VAMP3: variants seen among roughly 807,000 people sequenced by gnomAD.
VAMP3 encodes vesicle-associated membrane protein 3.
VAMP3 carries 11 observed loss-of-function variants against 18.1 expected under a neutral mutation model. That is an observed-to-expected ratio of 0.61 (90% CI 0.38 to 1.00). The LOEUF (loss-of-function observed/expected upper bound fraction) is 1.00, where lower values mean the gene tolerates loss of function less well. VAMP3 is among the 50% of genes least tolerant of loss of function. VAMP3 has a pLI of 0.01. For missense variants in VAMP3, 122 were observed against 127.3 expected (o/e 0.96, Z 0.20); for synonymous variants, 49 against 43.1 (o/e 1.14, Z -0.53).
In VAMP3 at chr1:7,771,400, G is replaced by A; in HGVS notation, c.2+15G>A. 6.3e-7 allele frequency: 1 copy of A among 1,575,244 alleles called. No individual in the cohort carries two copies. Among genetic ancestry groups the A allele is most frequent in the Non-Finnish European group, 8.6e-7 (1 of 1,165,920 alleles). On this transcript the variant is annotated intron_variant, in intron 1 of 4. Coordinates refer to ENST00000054666, the MANE Select transcript of VAMP3 (RefSeq NM_004781.4). ...GCTGCCAAAATGTGAGTGACGCTAC[G>A]CGACGCGGGCGGCTTCGGGCCCCGC...
chr1:7,778,978 G>A (rs572928391), intron 4 of VAMP3, among the ~76,000 whole-genome samples: 8 of 152,230 alleles, frequency 5.3e-5, no homozygotes, highest in African/African-American at 1.4e-4. Context: ...GGCAGATCAC[G>A]AGGTCAGGAG....
intron 3 of VAMP3, among the ~76,000 whole-genome samples, chr1:7,777,534 G>A (rs2097054881): frequency 6.6e-6 from 1 of 152,172 alleles, no homozygotes; most frequent in Non-Finnish European, 1.5e-5. Context: ...ATCTTCAGAA[G>A]ATGCAGGTAG....
At chr1:7,778,037 A>T in intron 3 of VAMP3, 81 bp from the exon 4 acceptor site, 1 of 1,441,270 alleles carries the variant, frequency 6.9e-7, no homozygotes. Flanking sequence ...TTCAGTGACT[A>T]GATGAATATT....
At position 7,773,518 on chromosome 1, in the gene VAMP3, C is replaced by G. The variant is rs919920527; in HGVS notation, c.72+7C>G. On this transcript the variant is annotated splice_region_variant and intron_variant, in intron 2 of 4. Coordinates refer to ENST00000054666, the MANE Select transcript of VAMP3 (RefSeq NM_004781.4). ...ACAAAATCAAGTAGATGAGGTATTG[C>G]TCTGAAATGTTGGAAATATGAATTT... is the stretch of plus-strand genomic sequence containing the variant. 9 of 1,611,110 alleles carry G rather than the reference C, an allele frequency of 5.6e-6. No homozygotes were observed. The African/African-American group carries it at 9.4e-5, about 17-fold the overall frequency.
rs1180648126 is a variant in VAMP3, at chr1:7,779,687, C to G, written c.*42C>G. Reference sequence around the variant, plus strand: ...AAAACTGCTGTTCAAGAAACCTCTTCAAGACTTTTGACTTAGAACCTGCTA... The same window carrying G: ...AAAACTGCTGTTCAAGAAACCTCTTGAAGACTTTTGACTTAGAACCTGCTA... On this transcript the variant is annotated 3_prime_UTR_variant, in exon 5 of 5. Coordinates refer to ENST00000054666, the MANE Select transcript of VAMP3 (RefSeq NM_004781.4). 3 of 1,613,890 alleles carry G rather than the reference C, an allele frequency of 1.9e-6. No homozygotes were observed. Among genetic ancestry groups the G allele is most frequent in the East Asian group, 4.5e-5 (2 of 44,860 alleles).
chr1:7,777,381 G>A, intron 3 of VAMP3, 63 bp downstream of exon 3: 1 of 1,541,372 alleles, frequency 6.5e-7, no homozygotes, highest in Non-Finnish European at 8.8e-7. Context: ...AGAATTAACA[G>A]GCTACAGATA....
intron 1 of VAMP3, 56 bp downstream of exon 1, chr1:7,771,441 C>G: frequency 6.7e-7 from 1 of 1,497,196 alleles, no homozygotes; most frequent in South Asian, 1.2e-5. Flanking sequence ...GCAGCTCGCG[C>G]TGGGACCGCC....
chr1:7,771,423 C>T (rs761186957), intron 1 of VAMP3, 38 bp downstream of exon 1: 18 of 1,539,698 alleles, frequency 1.2e-5, no homozygotes, highest in Non-Finnish European at 1.6e-5. Context: ...CTTCGGGCCC[C>T]GCAGGCGGCA....
chr1:7,771,661 T>G (rs2150364882), intron 1 of VAMP3, among the ~76,000 whole-genome samples: 2 of 152,276 alleles, frequency 1.3e-5, no homozygotes, highest in Middle Eastern at 3.4e-3. Context: ...AGCCCGCTCC[T>G]CGCCCCTTCC....
chr1:7,773,890 T>C (rs2097052711), intron 2 of VAMP3, among the ~76,000 whole-genome samples: 1 of 152,170 alleles, frequency 6.6e-6, no homozygotes, highest in South Asian at 2.1e-4. Flanking sequence ...TCTGATCAGA[T>C]TTTTTTATCA....
chr1:7,771,595 A>G (rs1032287782), intron 1 of VAMP3, among the ~76,000 whole-genome samples: 1 of 152,018 alleles, frequency 6.6e-6, no homozygotes, highest in Non-Finnish European at 1.5e-5. Context: ...CGGACGCGGA[A>G]GGGGCAAGGG....
At position 7,771,360 on chromosome 1, in the gene VAMP3, G is replaced by T. The variant is rs753433372; in HGVS notation, c.-24G>T. The T allele has an allele frequency of 1.9e-6, 3 of 1,591,336 alleles. No individual in the cohort carries two copies. Among genetic ancestry groups the T allele is most frequent in the East Asian group, 4.7e-5 (2 of 42,228 alleles). ...TCTCTGCTGACCCTCTCTCGTCGCCGCTGCCGCCGCCGCAGCTGCCAAAAT... is the reference window on the plus strand; with the variant it reads ...TCTCTGCTGACCCTCTCTCGTCGCCTCTGCCGCCGCCGCAGCTGCCAAAAT... On this transcript the variant is annotated 5_prime_UTR_variant, in exon 1 of 5. Transcript: ENST00000054666.
intron 3 of VAMP3, 88 bp from the exon 4 acceptor site, chr1:7,778,030 A>G: frequency 7.0e-7 from 1 of 1,426,744 alleles, no homozygotes; most frequent in Non-Finnish European, 9.9e-7. Flanking sequence ...TTTCCCTTTC[A>G]GTGACTAGAT....
chr1:7,778,520 T>G (rs2097055503), intron 4 of VAMP3, among the ~76,000 whole-genome samples: 1 of 151,480 alleles, frequency 6.6e-6, no homozygotes, highest in Non-Finnish European at 1.5e-5. Context: ...GGTGACAGAG[T>G]GAGACCTTTT....
intron 1 of VAMP3, chr1:7,773,225 G>C (rs2097052163): frequency 1.8e-6 from 1 of 547,300 alleles, no homozygotes; most frequent in South Asian, 2.4e-5. Flanking sequence ...CTTAACATTT[G>C]TCCCTTTAGT....
chr1:7,774,188 G>GA (rs1350159660), intron 2 of VAMP3, among the ~76,000 whole-genome samples: 2 of 152,128 alleles, frequency 1.3e-5, no homozygotes, highest in African/African-American at 2.4e-5. Flanking sequence ...TAGCTGCCCT[G>GA]AAAAAACAGT....
rs151024877 is a variant in VAMP3 at position 7,772,103 on chromosome 1, A to T, written c.2+718A>T. 8.1e-3 allele frequency among the ~76,000 whole-genome samples: 1,231 copies of T among 152,328 alleles called. 11 individuals are homozygous for T. Among genetic ancestry groups the T allele is most frequent in the Non-Finnish European group, 0.011 (760 of 68,030 alleles). ...TGGTTAAGATCTAGAGCCAAGGTAC[A>T]CAGGACCTGATCTAAAAACAAGCTG... is the stretch of plus-strand genomic sequence containing the variant. On this transcript the variant is annotated intron_variant, in intron 1 of 4. Transcript: ENST00000054666.
intron 1 of VAMP3, among the ~76,000 whole-genome samples, chr1:7,771,725 G>C (rs893102286): frequency 1.3e-5 from 2 of 152,220 alleles, no homozygotes; most frequent in Non-Finnish European, 2.9e-5. Flanking sequence ...CCTGGTTCGG[G>C]AGCGCCCGCT....
intron 1 of VAMP3, chr1:7,773,191 G>C (rs1292240779): frequency 4.3e-6 from 2 of 470,296 alleles, no homozygotes; most frequent in Admixed American, 7.8e-5. Context: ...ATACTTCAGG[G>C]ATACAAAGTA....
Sources: allele counts gnomAD v4.1 joint callset (sites outside exome capture counted in the v4.1 genomes callset), GRCh38; gene constraint gnomAD v4.1.1; transcripts MANE v1.5; gene names NCBI Gene and HGNC (gene_info 2026-07-23, HGNC 2026-07-21).